ZDHHC14: variants seen among roughly 807,000 people sequenced by gnomAD.
The protein encoded by ZDHHC14 is zDHHC palmitoyltransferase 14, also known as palmitoyltransferase ZDHHC14.
ZDHHC14 carries 16 observed loss-of-function variants against 47.7 expected under a neutral mutation model. The ratio of observed to expected loss-of-function variants is 0.34; its 90% CI spans 0.23 to 0.51. The LOEUF (loss-of-function observed/expected upper bound fraction) is 0.51. Among genes scored for constraint, ZDHHC14 ranks in the 20% least tolerant of loss-of-function variants. The pLI, the probability that ZDHHC14 is intolerant of heterozygous loss-of-function variation, is 0.97. For missense variants in ZDHHC14, 515 were observed against 662.5 expected, an observed-to-expected ratio of 0.78 and a Z score of 2.44; for synonymous variants, 293 against 278.9, an observed-to-expected ratio of 1.05 and a Z score of -0.50.
At position 157,502,512 on chromosome 6, in the gene ZDHHC14, C is replaced by G. The variant is rs749985646; in HGVS notation, c.246-40073C>G. The stretch of plus-strand genomic sequence containing the variant: ...GCTCAGCAACCCCAAATTTCTGAGT[C>G]TTGTCCCTGCTACCTGATCCCCATC... On this transcript the variant is annotated intron_variant, in intron 1 of 8. Transcript: ENST00000359775. This position sits in a 1 kb window ranked among gnomAD's most constrained non-coding sequence, Gnocchi z 4.0. Among the ~76,000 whole-genome samples, 3 of 152,192 alleles carry G rather than the reference C, an allele frequency of 2.0e-5. No homozygotes were observed. Among genetic ancestry groups the G allele is most frequent in the Non-Finnish European group, 4.4e-5 (3 of 68,026 alleles).
chr6:157,602,489 CAAAAAAA>C (rs552594669), intron 3 of ZDHHC14, among the ~76,000 whole-genome samples: 2 of 60,616 alleles, frequency 3.3e-5, no homozygotes, highest in African/African-American at 7.0e-5. Flanking sequence ...GACTCCGTTT[CAAAAAAA>C]AAAAAAAAAA....
chr6:157,548,031 A>G (rs1782053294), intron 2 of ZDHHC14, among the ~76,000 whole-genome samples: 1 of 151,682 alleles, frequency 6.6e-6, no homozygotes, highest in Non-Finnish European at 1.5e-5. Context: ...CTGTGATTGA[A>G]TCTTCATACA....
At chr6:157,483,363 T>C (rs922335397) in intron 1 of ZDHHC14, among the ~76,000 whole-genome samples, 2 of 152,210 alleles carry the variant, frequency 1.3e-5, no homozygotes, top group Non-Finnish European at 2.9e-5. Flanking sequence ...AACGGCAGCG[T>C]TGATGCACAG....
At chr6:157,555,313 G>A (rs905921) in intron 2 of ZDHHC14, among the ~76,000 whole-genome samples, 33,176 of 152,062 alleles carry the variant, frequency 0.22, 4,058 homozygotes, top group Middle Eastern at 0.33. Flanking sequence ...GTTTGTCTGC[G>A]TAATCAGGGC....
intron 5 of ZDHHC14, among the ~76,000 whole-genome samples, chr6:157,642,037 GATA>G (rs1777277342): frequency 6.8e-6 from 1 of 147,854 alleles, no homozygotes; most frequent in African/African-American, 2.5e-5. Context: ...TAGATAGATA[GATA>G]GATAGATAGA....
intron 3 of ZDHHC14, among the ~76,000 whole-genome samples, chr6:157,617,410 G>A (rs984690383): frequency 2.0e-5 from 3 of 152,050 alleles, no homozygotes; most frequent in African/African-American, 7.2e-5. Flanking sequence ...TAAAAAATGG[G>A]TTCTGCTTGG....
chr6:157,482,400 C>T (rs1398847146), intron 1 of ZDHHC14, among the ~76,000 whole-genome samples: 4 of 150,726 alleles, frequency 2.7e-5, no homozygotes, highest in South Asian at 2.1e-4. Context: ...ATTACAGGCA[C>T]GTGCCATCAT....
intron 2 of ZDHHC14, among the ~76,000 whole-genome samples, chr6:157,563,027 G>C (rs913733617): frequency 1.3e-5 from 2 of 152,200 alleles, no homozygotes; most frequent in South Asian, 4.1e-4. Context: ...GGGGCCATGT[G>C]GATGTAGGGT....
intron 1 of ZDHHC14, among the ~76,000 whole-genome samples, chr6:157,517,997 A>C (rs1462043970): frequency 1.3e-5 from 2 of 152,138 alleles, no homozygotes; most frequent in Non-Finnish European, 2.9e-5. Context: ...GCACGTCCCC[A>C]GCCCCCGTGC....
chr6:157,535,798 G>C (rs1781528276), intron 1 of ZDHHC14, among the ~76,000 whole-genome samples: 1 of 152,188 alleles, frequency 6.6e-6, no homozygotes, highest in Non-Finnish European at 1.5e-5. Flanking sequence ...GAGTGGATAT[G>C]ATTTCTGAAT....
At chr6:157,393,349 C>T (rs1391504437) in intron 1 of ZDHHC14, among the ~76,000 whole-genome samples, 4 of 152,300 alleles carry the variant, frequency 2.6e-5, no homozygotes, top group South Asian at 2.1e-4. Context: ...GTGTAGCCAA[C>T]GGCCCTGCCT....
intron 6 of ZDHHC14, 92 bp from the exon 7 acceptor site, chr6:157,647,167 G>A: frequency 1.2e-6 from 1 of 812,880 alleles, no homozygotes; most frequent in Non-Finnish European, 2.0e-6. Flanking sequence ...AAGATGATTT[G>A]CATTCTTTAT....
intron 1 of ZDHHC14, among the ~76,000 whole-genome samples, chr6:157,448,860 G>A (rs150736799): frequency 6.4e-4 from 97 of 152,352 alleles, no homozygotes; most frequent in African/African-American, 2.1e-3. Context: ...ATAGGCGTGA[G>A]CCACTGCGCC....
rs113224363 is a variant in ZDHHC14 at position 157,651,735 on chromosome 6, A to AT, written c.966-1782dup. Among the ~76,000 whole-genome samples the AT allele has an allele frequency of 6.2e-3, 936 of 151,950 alleles. 9 individuals are homozygous for AT. Among genetic ancestry groups the AT allele is most frequent in the African/African-American group, 0.018 (757 of 41,458 alleles). On this transcript the variant is annotated intron_variant, in intron 7 of 8. Transcript: ENST00000359775. ...AGGCATGTGCCATCACGCCTGGCTA[A>AT]TTTTTTTTGTATTTTTAGTAGAGGT...
intron 1 of ZDHHC14, among the ~76,000 whole-genome samples, chr6:157,498,308 G>A (rs1780113668): frequency 6.6e-6 from 1 of 151,962 alleles, no homozygotes; most frequent in Non-Finnish European, 1.5e-5. Context: ...AGAGGCAGAT[G>A]TAGACTTGGA....
chr6:157,455,729 T>C (rs545130858), intron 1 of ZDHHC14, among the ~76,000 whole-genome samples: 63 of 152,332 alleles, frequency 4.1e-4, no homozygotes, highest in African/African-American at 1.5e-3. Context: ...GAACAGAATG[T>C]GATCTTTCTT....
intron 6 of ZDHHC14, among the ~76,000 whole-genome samples, chr6:157,646,953 A>G (rs1455777954): frequency 6.6e-6 from 1 of 152,234 alleles, no homozygotes; most frequent in Non-Finnish European, 1.5e-5. Flanking sequence ...TTTAATTATT[A>G]TTTAGGGCAC....
chr6:157,640,141 C>A (rs7750240), intron 5 of ZDHHC14, among the ~76,000 whole-genome samples: 1 of 152,142 alleles, frequency 6.6e-6, no homozygotes, highest in East Asian at 1.9e-4. Context: ...TGAGGAAGAC[C>A]CCAAAAGGGG....
chr6:157,432,070 T>C (rs2114781891), intron 1 of ZDHHC14, among the ~76,000 whole-genome samples: 1 of 152,240 alleles, frequency 6.6e-6, no homozygotes, highest in East Asian at 1.9e-4. Context: ...TTTTTTACTC[T>C]TGGACCTTTA....
Sources: gnomAD v4.1 joint callset for allele counts (sites outside exome capture counted in the v4.1 genomes callset) on GRCh38, gnomAD v4.1.1 for gene constraint, Gnocchi (gnomAD v3.1) non-coding constraint, MANE v1.5 for transcripts, NCBI Gene and HGNC (gene_info 2026-07-23, HGNC 2026-07-21) for gene names.